CHCHD3: variants seen among roughly 807,000 people sequenced by gnomAD.
CHCHD3 encodes coiled-coil-helix-coiled-coil-helix domain containing 3, also known as MICOS complex subunit MIC19.
CHCHD3 carries 20 observed loss-of-function variants against 38.2 expected under a neutral mutation model. The observed-to-expected ratio is 0.52, with a 90% CI of 0.37 to 0.76. The LOEUF is 0.76. Ranked by LOEUF, CHCHD3 falls within the 30% of genes least tolerant of loss-of-function variation. The probability of loss-of-function intolerance (pLI) is 0.00; values close to 1 mark genes in which losing one functional copy is unlikely to be tolerated. For missense variants in CHCHD3, 245 were observed against 279.2 expected, an observed-to-expected ratio of 0.88 and a Z score of 0.87; for synonymous variants, 82 against 100.0, an observed-to-expected ratio of 0.82 and a Z score of 1.07.
chr7:132,958,151 G>C (rs1811227307), intron 4 of CHCHD3, among the ~76,000 whole-genome samples: 1 of 152,128 alleles, frequency 6.6e-6, no homozygotes, highest in Non-Finnish European at 1.5e-5. Context: ...GAGGCTAAGA[G>C]GGCTTATTAT....
chr7:132,838,030 T>C (rs1807834344), intron 6 of CHCHD3, among the ~76,000 whole-genome samples: 1 of 152,208 alleles, frequency 6.6e-6, no homozygotes, highest in Non-Finnish European at 1.5e-5. Flanking sequence ...GACATGCCCA[T>C]CATTTTATTA....
At chr7:132,963,896 A>G (rs1011776075) in intron 4 of CHCHD3, among the ~76,000 whole-genome samples, 13 of 152,232 alleles carry the variant, frequency 8.5e-5, no homozygotes, top group African/African-American at 2.4e-4. Flanking sequence ...TTGGAAGTGG[A>G]AAGTATAATT....
intron 2 of CHCHD3, among the ~76,000 whole-genome samples, chr7:133,059,180 C>T (rs756310580): frequency 3.3e-5 from 5 of 152,240 alleles, no homozygotes; most frequent in East Asian, 1.9e-4. Context: ...AGATCAGACA[C>T]GAGAAAAGCC....
intron 4 of CHCHD3, among the ~76,000 whole-genome samples, chr7:132,970,908 A>C (rs143100258): frequency 2.2e-4 from 34 of 152,284 alleles, no homozygotes; most frequent in South Asian, 1.9e-3. Context: ...CCAGGAGTTC[A>C]AGATCCATAG....
chr7:132,859,566 A>T (rs933394267), intron 5 of CHCHD3, among the ~76,000 whole-genome samples: 13 of 152,242 alleles, frequency 8.5e-5, no homozygotes, highest in Non-Finnish European at 1.8e-4. Context: ...TTAAATTTAG[A>T]TTAGCCAGAG....
At chr7:133,012,717 T>C (rs1051353323) in intron 3 of CHCHD3, among the ~76,000 whole-genome samples, 5 of 150,558 alleles carry the variant, frequency 3.3e-5, no homozygotes, top group Non-Finnish European at 7.4e-5. Flanking sequence ...TGGGCTGAGA[T>C]TGCACCACTG....
At chr7:132,871,041 T>C (rs561542553) in intron 5 of CHCHD3, among the ~76,000 whole-genome samples, 2 of 152,352 alleles carry the variant, frequency 1.3e-5, no homozygotes, top group South Asian at 2.1e-4. Flanking sequence ...TCTTGTTTTA[T>C]TGTCTGGCAA....
At chr7:132,997,659 T>TAAAAAAAAAAAAAA (rs71178073) in intron 3 of CHCHD3, among the ~76,000 whole-genome samples, 6 of 81,774 alleles carry the variant, frequency 7.3e-5, no homozygotes, top group African/African-American at 2.4e-4. Flanking sequence ...AACAGGGTTG[T>TAAAAAAAAAAAAAA]AAAAAAAAAA....
chr7:132,793,907 A>G (rs1806533246), intron 7 of CHCHD3, among the ~76,000 whole-genome samples: 1 of 152,234 alleles, frequency 6.6e-6, no homozygotes, highest in African/African-American at 2.4e-5. Context: ...GGGACTACGT[A>G]TCTTGCCGGA....
intron 4 of CHCHD3, among the ~76,000 whole-genome samples, chr7:132,893,309 C>A (rs1809415028): frequency 6.6e-6 from 1 of 152,148 alleles, no homozygotes; most frequent in Non-Finnish European, 1.5e-5. Context: ...TTGCGTGGGG[C>A]CTGTAGCCTC....
intron 2 of CHCHD3, among the ~76,000 whole-genome samples, chr7:133,052,243 C>T (rs1005846126): frequency 2.6e-5 from 4 of 152,144 alleles, no homozygotes; most frequent in African/African-American, 9.7e-5. Flanking sequence ...AGACTCTGGC[C>T]TCTGTCTCCC....
intron 2 of CHCHD3, chr7:133,034,918 T>G: frequency 6.2e-7 from 1 of 1,607,052 alleles, no homozygotes. Context: ...CTCATGAAGG[T>G]CTGAGTGAGT....
rs556662190 is a variant in CHCHD3 at position 132,995,134 on chromosome 7, G to C, written c.252-19848C>G. Among the ~76,000 whole-genome samples the C allele has an allele frequency of 1.4e-4, 21 of 152,190 alleles. No homozygotes were observed. The South Asian group carries it at 4.2e-3, about 30-fold the overall frequency. On this transcript the variant is annotated intron_variant, in intron 3 of 7. Transcript: ENST00000262570. ...AATGGTAGAAACATGTATAGAAAGA[G>C]AAAAAATGTGAAATTCAGTAGGATT...
chr7:132,839,935 A>C (rs1301484099), intron 5 of CHCHD3, among the ~76,000 whole-genome samples: 2 of 152,260 alleles, frequency 1.3e-5, no homozygotes, highest in Non-Finnish European at 2.9e-5. Flanking sequence ...TGAACAGAAC[A>C]GTTGTAAGGA....
At chr7:133,070,810 A>G (rs1430202594) in intron 1 of CHCHD3, among the ~76,000 whole-genome samples, 1 of 152,256 alleles carries the variant, frequency 6.6e-6, no homozygotes, top group Non-Finnish European at 1.5e-5. Flanking sequence ...CAACATGAAG[A>G]GTGCTACCTG....
chr7:132,955,122 G>A (rs985537596), intron 4 of CHCHD3, among the ~76,000 whole-genome samples: 3 of 150,616 alleles, frequency 2.0e-5, no homozygotes, highest in African/African-American at 7.3e-5. Context: ...CTGTGTGGCA[G>A]GGCACATCAC....
chr7:132,900,412 G>A (rs1476664102), intron 4 of CHCHD3, among the ~76,000 whole-genome samples: 2 of 152,128 alleles, frequency 1.3e-5, no homozygotes, highest in African/African-American at 4.8e-5. Flanking sequence ...GCATACATCA[G>A]CTCTCCTCTT....
chr7:133,024,508 A>G (rs2117442269), intron 3 of CHCHD3, 38 bp downstream of exon 3: 1 of 1,409,596 alleles, frequency 7.1e-7, no homozygotes, highest in East Asian at 2.3e-5. Flanking sequence ...AATATGACAA[A>G]ACCCACCAAA....
In CHCHD3 at chr7:132,960,582, G is replaced by A. The variant is rs923683821; in HGVS notation, c.369+14587C>T. On this transcript the variant is annotated intron_variant, in intron 4 of 7. Transcript: ENST00000262570. ...TGGGAAACTTTCTAATGATGCCACT[G>A]TCCATATGCTTAAAATTCAACATGG... is the stretch of plus-strand genomic sequence containing the variant. Among the ~76,000 whole-genome samples the A allele has an allele frequency of 2.6e-5, 4 of 152,184 alleles. No individual in the cohort carries two copies. In the East Asian group the frequency reaches 7.7e-4, roughly 29 times the overall value.
Sources: gnomAD v4.1 joint callset for allele counts (sites outside exome capture counted in the v4.1 genomes callset) on GRCh38, gnomAD v4.1.1 for gene constraint, MANE v1.5 for transcripts, NCBI Gene and HGNC (gene_info 2026-07-23, HGNC 2026-07-21) for gene names.